Variants in CHSY3 observed in about 807,000 individuals in gnomAD.
CHSY3 encodes N-acetylgalactosaminyl-proteoglycan 3-beta-glucuronosyltransferase 3.
Under a neutral mutation model 67.2 loss-of-function variants are expected in CHSY3, and 35 were observed. That is an observed-to-expected ratio of 0.52 (90% CI 0.40 to 0.69). The LOEUF (loss-of-function observed/expected upper bound fraction) is 0.69. Among genes scored for constraint, CHSY3 ranks in the 30% least tolerant of loss-of-function variants. CHSY3 has a pLI of 0.00. For missense variants in CHSY3, 1,069 were observed against 1,138.5 expected, an observed-to-expected ratio of 0.94 and a Z score of 0.88; for synonymous variants, 474 against 434.7, an observed-to-expected ratio of 1.09 and a Z score of -1.12.
chr5:130,027,913 A>G (rs748635743), intron 2 of CHSY3, among the ~76,000 whole-genome samples: 1 of 152,184 alleles, frequency 6.6e-6, no homozygotes, highest in South Asian at 2.1e-4. Flanking sequence ...GCTATTGTGA[A>G]TAGTGCTGCA....
At chr5:130,076,832 TA>T (rs1766271218) in intron 2 of CHSY3, among the ~76,000 whole-genome samples, 1 of 151,438 alleles carries the variant, frequency 6.6e-6, no homozygotes, top group Non-Finnish European at 1.5e-5. Context: ...TCATTCTCAG[TA>T]AACTATCGCA....
chr5:130,009,245 C>G (rs779571296), intron 2 of CHSY3, among the ~76,000 whole-genome samples: 1 of 151,964 alleles, frequency 6.6e-6, no homozygotes, highest in Non-Finnish European at 1.5e-5. Context: ...CAAAGTGAAC[C>G]CAATCAGGCT....
At chr5:130,155,829 T>G (rs975249210) in intron 2 of CHSY3, among the ~76,000 whole-genome samples, 6 of 152,194 alleles carry the variant, frequency 3.9e-5, no homozygotes, top group Admixed American at 3.9e-4. Context: ...ATTAGTGAGA[T>G]TCTATTAAGC....
At chr5:130,082,058 A>G (rs997684201) in intron 2 of CHSY3, among the ~76,000 whole-genome samples, 1 of 152,098 alleles carries the variant, frequency 6.6e-6, no homozygotes, top group Non-Finnish European at 1.5e-5. Context: ...TCTCCTGGAA[A>G]TATCCACAGA....
At chr5:130,119,125 C>G (rs894624443) in intron 2 of CHSY3, among the ~76,000 whole-genome samples, 1 of 152,028 alleles carries the variant, frequency 6.6e-6, no homozygotes, top group Admixed American at 6.5e-5. Context: ...GGTATCAAAC[C>G]CTCTCATTGT....
At position 130,184,979 on chromosome 5, in the gene CHSY3, A is replaced by G. The variant is rs768991588; in HGVS notation, c.1837A>G (p.Met613Val). The G allele has an allele frequency of 6.4e-7, 1 of 1,557,594 alleles. No homozygotes were observed. The highest frequency in any genetic ancestry group is 1.4e-5 in the African/African-American group (1 of 73,690). Residue 613 changes from methionine to valine, a missense_variant, in exon 3 of 3, where the codon ATG becomes GTG. Met to Val is a conservative substitution (Grantham distance 21, BLOSUM62 1). This residue lies in a region of CHSY3 where 401 missense variants were observed against 395.2 expected (regional missense o/e 1.01). Coordinates refer to ENST00000305031, the MANE Select transcript of CHSY3 (RefSeq NM_175856.5). ...ILSSFQGAKEMGGHNEKKVHI... is the reference protein window; with the variant it reads ...ILSSFQGAKEVGGHNEKKVHI... ...ATCTTCTTTTCAAGGTGCCAAAGAA[A>G]TGGGAGGGCACAATGAAAAGAAAGT... is the stretch of plus-strand genomic sequence containing the variant.
At chr5:130,096,795 A>C (rs529317830) in intron 2 of CHSY3, among the ~76,000 whole-genome samples, 1 of 152,158 alleles carries the variant, frequency 6.6e-6, no homozygotes, top group Non-Finnish European at 1.5e-5. Flanking sequence ...TCTTTATCCC[A>C]GTACAGAGCT....
At chr5:130,165,698 C>T (rs904333953) in intron 2 of CHSY3, among the ~76,000 whole-genome samples, 1 of 151,842 alleles carries the variant, frequency 6.6e-6, no homozygotes, top group Admixed American at 6.6e-5. Context: ...TATGTGCACA[C>T]ATATATCTGA....
intron 2 of CHSY3, among the ~76,000 whole-genome samples, chr5:130,085,101 G>A (rs1766570174): frequency 6.6e-6 from 1 of 151,932 alleles, no homozygotes; most frequent in South Asian, 2.1e-4. Context: ...AACTTTTCAG[G>A]TTAATATTGG....
At chr5:130,160,123 T>C (rs1561563840) in intron 2 of CHSY3, among the ~76,000 whole-genome samples, 1 of 152,226 alleles carries the variant, frequency 6.6e-6, no homozygotes, top group Non-Finnish European at 1.5e-5. Flanking sequence ...CCAGTTTGGA[T>C]CTAAATCTGG....
At chr5:130,130,958 T>A (rs1193070098) in intron 2 of CHSY3, among the ~76,000 whole-genome samples, 1 of 152,186 alleles carries the variant, frequency 6.6e-6, no homozygotes, top group Non-Finnish European at 1.5e-5. Flanking sequence ...GATTCCCTGA[T>A]CCATTACTAA....
chr5:129,922,662 G>C (rs1372782911), intron 2 of CHSY3, among the ~76,000 whole-genome samples: 1 of 150,916 alleles, frequency 6.6e-6, no homozygotes, highest in East Asian at 1.9e-4. Flanking sequence ...CAGGTCTTTT[G>C]CCCATTTCTT....
chr5:130,007,382 C>A (rs1763905195), intron 2 of CHSY3, among the ~76,000 whole-genome samples: 1 of 151,880 alleles, frequency 6.6e-6, no homozygotes, highest in Non-Finnish European at 1.5e-5. Flanking sequence ...GATGCACAAT[C>A]CAAGCAGATC....
intron 2 of CHSY3, among the ~76,000 whole-genome samples, chr5:130,021,304 C>T (rs934537678): frequency 3.3e-5 from 5 of 152,076 alleles, no homozygotes; most frequent in African/African-American, 1.2e-4. Context: ...CCCTTACTAC[C>T]ACCACTAGTA....
chr5:129,942,198 C>G (rs1027213007), intron 2 of CHSY3, among the ~76,000 whole-genome samples: 19 of 152,086 alleles, frequency 1.2e-4, no homozygotes, highest in Non-Finnish European at 2.4e-4. Context: ...CTTCCTGAAG[C>G]CTGTGACACC....
At chr5:129,996,502 T>C (rs1763544649) in intron 2 of CHSY3, among the ~76,000 whole-genome samples, 1 of 152,202 alleles carries the variant, frequency 6.6e-6, no homozygotes, top group African/African-American at 2.4e-5. Context: ...TAGGACTTAA[T>C]GCCATAAACA....
chr5:129,905,147 A>C lies in CHSY3; in HGVS notation c.318A>C (p.Pro106=). The part of the protein sequence containing the change: ...TSFRSSPWQQ[P]PPLQQRRRGR... The stretch of plus-strand genomic sequence containing the variant: ...TTCGAAGCAGCCCCTGGCAGCAGCC[A>C]CCTCCGCTGCAGCAGCGGCGGCGAG... Residue 106 remains proline, a synonymous_variant, in exon 1 of 3, where the codon CCA becomes CCC. Transcript: ENST00000305031. 1.3e-6 allele frequency: 2 copies of C among 1,530,564 alleles called. No individual in the cohort carries two copies. Among genetic ancestry groups the C allele is most frequent in the Non-Finnish European group, 1.7e-6 (2 of 1,144,740 alleles). 94.8% of individuals were successfully genotyped at this position (1,530,564 alleles called of 1,614,324 possible).
chr5:129,970,417 GA>G (rs1468959146), intron 2 of CHSY3, among the ~76,000 whole-genome samples: 2 of 149,726 alleles, frequency 1.3e-5, no homozygotes, highest in Non-Finnish European at 3.0e-5. Context: ...TAGATAGATA[GA>G]TAGATAGATA....
intron 2 of CHSY3, among the ~76,000 whole-genome samples, chr5:130,106,911 G>A (rs1318988262): frequency 1.3e-5 from 2 of 151,522 alleles, no homozygotes; most frequent in Non-Finnish European, 3.0e-5. Flanking sequence ...CAGTTTTTAT[G>A]TGACATGTGC....
Sources: allele counts gnomAD v4.1 joint callset (sites outside exome capture counted in the v4.1 genomes callset), GRCh38; gene constraint gnomAD v4.1.1; regional missense constraint gnomAD v4.1.1; transcripts MANE v1.5; gene names NCBI Gene and HGNC (gene_info 2026-07-23, HGNC 2026-07-21).